PCDHA11: variants seen among roughly 807,000 people sequenced by gnomAD.
PCDHA11 encodes protocadherin alpha-11.
A neutral mutation model predicts 70.3 loss-of-function variants in PCDHA11; 61 were observed. The observed-to-expected ratio is 0.87, with a 90% CI of 0.71 to 1.07. PCDHA11 has a LOEUF of 1.07. PCDHA11 is among the 50% of genes least tolerant of loss of function. The pLI is 0.00. For synonymous variants in PCDHA11, 633 were observed against 555.1 expected, an observed-to-expected ratio of 1.14 and a Z score of -1.97; for missense variants, 1,324 against 1,237.5, an observed-to-expected ratio of 1.07 and a Z score of -1.05.
intron 3 of PCDHA11, among the ~76,000 whole-genome samples, chr5:141,000,228 G>C (rs994042672): frequency 3.3e-5 from 5 of 151,306 alleles, no homozygotes; most frequent in Non-Finnish European, 2.9e-5. Context: ...CCTGTGTGGA[G>C]CTGAATGTGG....
chr5:140,882,303 G>A, intron 1 of PCDHA11: 1 of 1,613,824 alleles, frequency 6.2e-7, no homozygotes. Context: ...CCAAGACCGC[G>A]GCAACTACTG....
At chr5:140,926,703 C>A in intron 1 of PCDHA11, 2 of 835,416 alleles carry the variant, frequency 2.4e-6, no homozygotes, top group Non-Finnish European at 3.4e-6. Context: ...CGGCTCCCAG[C>A]TGGCCAGCCC....
chr5:140,988,535 A>T (rs1426235004), intron 3 of PCDHA11, among the ~76,000 whole-genome samples: 2 of 152,164 alleles, frequency 1.3e-5, no homozygotes, highest in Non-Finnish European at 2.9e-5. Flanking sequence ...GGCTCCATCC[A>T]TTCATGACTT....
At chr5:141,009,391 C>T (rs1006846075) in intron 3 of PCDHA11, among the ~76,000 whole-genome samples, 1 of 152,086 alleles carries the variant, frequency 6.6e-6, no homozygotes, top group Non-Finnish European at 1.5e-5. Context: ...CACAGGAGGT[C>T]GAGGCTGCAG....
intron 3 of PCDHA11, among the ~76,000 whole-genome samples, chr5:140,998,871 A>C (rs1554256499): frequency 6.6e-6 from 1 of 152,200 alleles, no homozygotes; most frequent in African/African-American, 2.4e-5. Flanking sequence ...CTTGTAAATA[A>C]TAAGTTTAGT....
At chr5:141,005,490 TC>T (rs1451220963) in intron 3 of PCDHA11, among the ~76,000 whole-genome samples, 1 of 151,242 alleles carries the variant, frequency 6.6e-6, no homozygotes. Flanking sequence ...GATCATGAGG[TC>T]AGGAGATCGA....
chr5:140,978,845 T>C, intron 1 of PCDHA11, 104 bp from the exon 2 acceptor site: 7 of 1,569,708 alleles, frequency 4.5e-6, no homozygotes, highest in Non-Finnish European at 6.1e-6. Flanking sequence ...AATACTTTTT[T>C]AGATGCCTGG....
intron 1 of PCDHA11, among the ~76,000 whole-genome samples, chr5:140,925,464 A>G (rs1181531744): frequency 6.6e-6 from 1 of 152,114 alleles, no homozygotes; most frequent in Non-Finnish European, 1.5e-5. Flanking sequence ...GTTGTGGCTC[A>G]GAGATGTTTC....
chr5:140,972,540 T>G (rs1375467339), intron 1 of PCDHA11, among the ~76,000 whole-genome samples: 2 of 152,148 alleles, frequency 1.3e-5, no homozygotes, highest in Non-Finnish European at 2.9e-5. Flanking sequence ...AAATCACTTG[T>G]GCAGTGAGGA....
chr5:140,869,913 C>T lies in PCDHA11; in HGVS notation c.810C>T (p.Asp270=), dbSNP rs782111162. 3.7e-6 allele frequency: 6 copies of T among 1,610,754 alleles called. No homozygotes were observed. Among genetic ancestry groups the T allele is most frequent in the Non-Finnish European group, 5.1e-6 (6 of 1,178,352 alleles). Residue 270 remains aspartate (D), a synonymous_variant, in exon 1 of 4, where the codon GAC becomes GAT. Transcript: ENST00000398640. Reference sequence around the variant, plus strand: ...TCAAACTAAACGCCACAGACCGAGACGAAGGAGTCAATGGAGAGGTAACAT... The same window carrying T: ...TCAAACTAAACGCCACAGACCGAGATGAAGGAGTCAATGGAGAGGTAACAT... The part of the protein sequence containing the change: ...LVLKLNATDR[D]EGVNGEVTYS...
rs1399480801 is a variant in PCDHA11, at chr5:140,951,947, C to T, written c.2392-27002C>T. On this transcript the variant is annotated intron_variant, in intron 1 of 3. Transcript: ENST00000398640. ...TTACTCCCAAGATACAGTGCGGGTA[C>T]AGGCATTGGGTAAATACTCCTGTTC... is the stretch of plus-strand genomic sequence containing the variant. 5.3e-5 allele frequency among the ~76,000 whole-genome samples: 8 copies of T among 152,250 alleles called. No individual in the cohort carries two copies. In the East Asian group the frequency reaches 1.5e-3, roughly 29 times the overall value.
At chr5:140,956,217 T>A (rs1554222303) in intron 1 of PCDHA11, among the ~76,000 whole-genome samples, 1 of 152,208 alleles carries the variant, frequency 6.6e-6, no homozygotes, top group Non-Finnish European at 1.5e-5. Context: ...GGCATCCTTG[T>A]CTTGTGCTGG....
chr5:140,911,444 C>T (rs13161603), intron 1 of PCDHA11, among the ~76,000 whole-genome samples: 2,752 of 152,248 alleles, frequency 0.018, 47 homozygotes, highest in South Asian at 0.1. Context: ...CCCGCAATTT[C>T]AGCTCTTTCT....
At chr5:140,984,533 T>C (rs1477702565) in intron 3 of PCDHA11, among the ~76,000 whole-genome samples, 1 of 152,216 alleles carries the variant, frequency 6.6e-6, no homozygotes, top group African/African-American at 2.4e-5. Context: ...CTTCATGGAC[T>C]GTGCTGGATA....
At chr5:140,892,666 A>G (rs2063614919) in intron 1 of PCDHA11, among the ~76,000 whole-genome samples, 1 of 152,170 alleles carries the variant, frequency 6.6e-6, no homozygotes, top group Admixed American at 6.6e-5. Flanking sequence ...TGACATTTTG[A>G]TACATATATA....
At chr5:140,943,791 C>G (rs74565063) in intron 1 of PCDHA11, among the ~76,000 whole-genome samples, 2,339 of 152,200 alleles carry the variant, frequency 0.015, 18 homozygotes, top group Middle Eastern at 0.027. Flanking sequence ...GTCCTTTATG[C>G]AAAGCAAAAG....
chr5:140,936,941 T>C (rs547536853), intron 1 of PCDHA11, among the ~76,000 whole-genome samples: 14 of 152,342 alleles, frequency 9.2e-5, no homozygotes, highest in Non-Finnish European at 1.3e-4. Flanking sequence ...GAAAATATCT[T>C]ATTTTGATCT....
intron 1 of PCDHA11, among the ~76,000 whole-genome samples, chr5:140,915,458 G>A (rs1172885235): frequency 6.6e-6 from 1 of 152,126 alleles, no homozygotes; most frequent in Non-Finnish European, 1.5e-5. Context: ...TTTCCAGAAG[G>A]TTTTTATTTG....
intron 3 of PCDHA11, among the ~76,000 whole-genome samples, chr5:141,004,792 C>G (rs2098181519): frequency 6.6e-6 from 1 of 152,170 alleles, no homozygotes; most frequent in African/African-American, 2.4e-5. Flanking sequence ...CAGGCAGATT[C>G]TGGCTGAGCT....
Sources: gnomAD v4.1 joint callset for allele counts (sites outside exome capture counted in the v4.1 genomes callset) on GRCh38, gnomAD v4.1.1 for gene constraint, MANE v1.5 for transcripts, NCBI Gene and HGNC (gene_info 2026-07-23, HGNC 2026-07-21) for gene names.